The following IGFBP7 variants were observed in gnomAD, a reference collection of about 807,000 sequenced individuals.
The protein encoded by IGFBP7 is insulin-like growth factor-binding protein 7.
IGFBP7 carries 31 observed loss-of-function variants against 29.4 expected under a neutral mutation model. That is an observed-to-expected ratio of 1.05 (90% CI 0.79 to 1.42). IGFBP7 has a LOEUF of 1.42. Ranked by LOEUF, IGFBP7 falls within the 40% of genes most tolerant of loss-of-function variation. IGFBP7 has a pLI of 0.00. For synonymous variants in IGFBP7, 172 were observed against 174.9 expected (o/e 0.98, Z 0.13); for missense variants, 393 against 395.5 (o/e 0.99, Z 0.05).
At chr4:57,052,593 T>A (rs1251180059) in intron 1 of IGFBP7, among the ~76,000 whole-genome samples, 3 of 152,050 alleles carry the variant, frequency 2.0e-5, no homozygotes, top group Non-Finnish European at 2.9e-5. Context: ...ACCTGGCCCG[T>A]CCCCACCCCA....
intron 1 of IGFBP7, among the ~76,000 whole-genome samples, chr4:57,081,596 C>T (rs902103688): frequency 2.6e-5 from 4 of 151,872 alleles, no homozygotes; most frequent in East Asian, 1.9e-4. Context: ...TCATTTGGTG[C>T]GGGAAACATC....
At chr4:57,068,227 T>A (rs1724966373) in intron 1 of IGFBP7, among the ~76,000 whole-genome samples, 1 of 150,570 alleles carries the variant, frequency 6.6e-6, no homozygotes, top group Non-Finnish European at 1.5e-5. Flanking sequence ...GAGGTGGAGG[T>A]TGCAGTGAGC....
chr4:57,049,655 G>A (rs895755529), intron 1 of IGFBP7, among the ~76,000 whole-genome samples: 55 of 151,992 alleles, frequency 3.6e-4, no homozygotes, highest in African/African-American at 4.8e-5. Context: ...TGTTGGTTTC[G>A]GTAAGTTCCA....
intron 1 of IGFBP7, among the ~76,000 whole-genome samples, chr4:57,090,226 A>G (rs1725603039): frequency 6.6e-6 from 1 of 152,202 alleles, no homozygotes. Flanking sequence ...GGATTGATTC[A>G]GAAAACTGCC....
In IGFBP7 at chr4:57,110,134, C is replaced by A. The variant is rs1320031490; in HGVS notation, c.218G>T (p.Gly73Val). The change falls in exon 1 of 5, where the codon GGT (glycine) becomes GTT (valine). Residue 73 changes from glycine to valine, a missense_variant. Physicochemically the swap from Gly to Val is moderately radical, Grantham distance 109. Coordinates refer to ENST00000295666, the MANE Select transcript of IGFBP7 (RefSeq NM_001553.3). ...CARGEGEPCG[G>V]GGAGRGYCAP... ...GCAGTACCCCCTGCCGGCGCCGCCA[C>A]CCCCGCACGGCTCGCCCTCGCCGCG... The A allele has an allele frequency of 2.0e-6, 3 of 1,495,890 alleles. No homozygotes were observed. Among genetic ancestry groups the A allele is most frequent in the South Asian group, 1.3e-5 (1 of 79,616 alleles). The allele number at this position is 1,495,890 out of a possible 1,614,324, so 92.7% of individuals were successfully genotyped here. A position where few individuals can be genotyped will look rare whatever the true frequency, so the allele number is the denominator to read the frequency against.
At position 57,033,180 on chromosome 4, in the gene IGFBP7, G is replaced by A. The variant is rs377553977; in HGVS notation, c.702+15C>T. The A allele has an allele frequency of 7.9e-5, 121 of 1,531,680 alleles. No homozygotes were observed. The highest frequency in any genetic ancestry group is 1.1e-4 in the Non-Finnish European group (117 of 1,104,766). The allele number at this position is 1,531,680 out of a possible 1,614,324, so 94.9% of individuals were successfully genotyped here. On this transcript the variant is annotated intron_variant, in intron 3 of 4. Transcript: ENST00000295666. ...AAGAATGAAACTCTTGCCAGCTCTTGGTACTGGTACTCACCAGCACCCAGC... is the reference window on the plus strand; with the variant it reads ...AAGAATGAAACTCTTGCCAGCTCTTAGTACTGGTACTCACCAGCACCCAGC...
intron 1 of IGFBP7, among the ~76,000 whole-genome samples, chr4:57,084,999 G>A (rs1472592094): frequency 6.6e-6 from 1 of 151,560 alleles, no homozygotes. Flanking sequence ...ATGTTGCCTG[G>A]GCTGGTCTCG....
intron 1 of IGFBP7, among the ~76,000 whole-genome samples, chr4:57,106,934 T>C (rs189572560): frequency 2.0e-4 from 31 of 152,322 alleles, no homozygotes; most frequent in Middle Eastern, 6.8e-3. Flanking sequence ...AGTAAATTCA[T>C]AATGACAGTT....
chr4:57,047,813 C>A lies in IGFBP7; in HGVS notation c.476-6880G>T, dbSNP rs1353343574. Among the ~76,000 whole-genome samples, 6 of 152,160 alleles carry A rather than the reference C, an allele frequency of 3.9e-5. No homozygotes were observed. The South Asian group carries it at 1.2e-3, about 32-fold the overall frequency. ...ACAGTGGTGCGAACATGGCTCACTG[C>A]AGCCTCAATCTCCTGGGCCCAAACA... is the stretch of plus-strand genomic sequence containing the variant. On this transcript the variant is annotated intron_variant, in intron 1 of 4. Transcript: ENST00000295666.
At chr4:57,078,560 C>T (rs1725285090) in intron 1 of IGFBP7, among the ~76,000 whole-genome samples, 1 of 152,134 alleles carries the variant, frequency 6.6e-6, no homozygotes, top group Admixed American at 6.5e-5. Context: ...GCAGTTCTTC[C>T]AGCTCTTAAT....
chr4:57,040,490 G>A (rs1317529360), intron 2 of IGFBP7, among the ~76,000 whole-genome samples: 1 of 152,140 alleles, frequency 6.6e-6, no homozygotes, highest in Non-Finnish European at 1.5e-5. Context: ...TCCACTGAGG[G>A]CGCAAACACA....
chr4:57,045,817 G>A (rs6554403), intron 1 of IGFBP7, among the ~76,000 whole-genome samples: 5 of 148,780 alleles, frequency 3.4e-5, no homozygotes, highest in South Asian at 2.1e-4. Flanking sequence ...CCTCTGCCTC[G>A]TGGGTTCAAG....
At chr4:57,087,076 A>G (rs1472992990) in intron 1 of IGFBP7, among the ~76,000 whole-genome samples, 1 of 152,182 alleles carries the variant, frequency 6.6e-6, no homozygotes, top group Non-Finnish European at 1.5e-5. Context: ...CAGGAGACCG[A>G]CACACTGTTG....
At chr4:57,098,124 C>A (rs1317679011) in intron 1 of IGFBP7, among the ~76,000 whole-genome samples, 1 of 152,212 alleles carries the variant, frequency 6.6e-6, no homozygotes, top group African/African-American at 2.4e-5. Flanking sequence ...AGCTGGCTGC[C>A]TTTCAGAGGT....
chr4:57,108,872 G>A (rs1289769197), intron 1 of IGFBP7, among the ~76,000 whole-genome samples: 2 of 152,080 alleles, frequency 1.3e-5, no homozygotes, highest in African/African-American at 4.8e-5. Context: ...TTTACAGCAA[G>A]CTTGGACTTG....
intron 1 of IGFBP7, among the ~76,000 whole-genome samples, chr4:57,048,021 AC>A (rs1163403921): frequency 7.3e-5 from 11 of 151,344 alleles, no homozygotes; most frequent in Admixed American, 2.0e-4. Context: ...GGTGTAAGTC[AC>A]CATGCCTGGC....
chr4:57,082,545 C>G (rs916186056), intron 1 of IGFBP7, among the ~76,000 whole-genome samples: 2 of 151,960 alleles, frequency 1.3e-5, no homozygotes, highest in African/African-American at 2.4e-5. Flanking sequence ...AAGAAAAGAA[C>G]CTTCGAAATT....
chr4:57,064,134 T>C (rs1724862498), intron 1 of IGFBP7, among the ~76,000 whole-genome samples: 1 of 151,674 alleles, frequency 6.6e-6, no homozygotes, highest in East Asian at 1.9e-4. Flanking sequence ...AGCCTAGGAG[T>C]TTCACAGCAG....
chr4:57,103,655 C>CTTTTT (rs1560510152), intron 1 of IGFBP7, among the ~76,000 whole-genome samples: 73 of 63,612 alleles, frequency 1.1e-3, no homozygotes, highest in Non-Finnish European at 1.4e-3. Context: ...TTTTTTTTTT[C>CTTTTT]TTTTCTTTTT....
Sources: gnomAD v4.1 joint callset for allele counts (sites outside exome capture counted in the v4.1 genomes callset) on GRCh38, gnomAD v4.1.1 for gene constraint, MANE v1.5 for transcripts, NCBI Gene and HGNC (gene_info 2026-07-23, HGNC 2026-07-21) for gene names.